The following TEX14 variants were observed in gnomAD, a reference collection of about 807,000 sequenced individuals.
TEX14 encodes testis expressed 14, intercellular bridge forming factor.
A neutral mutation model predicts 178.6 loss-of-function variants in TEX14; 168 were observed. The ratio of observed to expected loss-of-function variants is 0.94; its 90% confidence interval spans 0.83 to 1.07. The LOEUF (loss-of-function observed/expected upper bound fraction) is 1.07, where lower values mean the gene tolerates loss of function less well. TEX14 is among the 50% of genes least tolerant of loss of function. TEX14 has a pLI of 0.00. For synonymous variants in TEX14, 626 were observed against 634.1 expected, an observed-to-expected ratio of 0.99 and a Z score of 0.19; for missense variants, 1,730 against 1,753.6, an observed-to-expected ratio of 0.99 and a Z score of 0.24.
In TEX14 at chr17:58,573,263, T is replaced by C. The variant is rs1280079239; in HGVS notation, c.3429A>G (p.Pro1143=). 1.2e-6 allele frequency: 2 copies of C among 1,613,980 alleles called. No homozygotes were observed. The highest frequency in any genetic ancestry group is 1.1e-5 in the South Asian group (1 of 91,082). ...IQDLSSISYE[P]DSSFKEASCK... ...ATGAAGCTTCCTTAAAAGAGCTGTC[T>C]GGTTCATAGGAGATACTAGACAGGT... The change falls in exon 23 of 32, where the codon CCA becomes CCG. Residue 1143 remains proline, a synonymous_variant. Coordinates refer to ENST00000349033, the MANE Select transcript of TEX14 (RefSeq NM_031272.5).
At position 58,605,245 on chromosome 17, in the gene TEX14, G is replaced by C. The variant is rs1313599206; in HGVS notation, c.1185-116C>G. 4 of 1,268,014 alleles carry C rather than the reference G, an allele frequency of 3.2e-6. No homozygotes were observed. The East Asian group carries it at 1.0e-4, about 33-fold the overall frequency. 78.5% of individuals were successfully genotyped at this position (1,268,014 alleles called of 1,614,324 possible). A position where few individuals can be genotyped will look rare whatever the true frequency, so the allele number is the denominator to read the frequency against. The stretch of plus-strand genomic sequence containing the variant: ...CTTGCCCTGTCACCCAGGCTGGAAA[G>C]CAGCAGCGTGATCTCAGCTCACTGC... On this transcript the variant is annotated intron_variant, in intron 10 of 31. Coordinates refer to ENST00000349033, the MANE Select transcript of TEX14 (RefSeq NM_031272.5).
At chr17:58,623,080 G>C (rs2144552811) in intron 3 of TEX14, 68 bp from the exon 4 acceptor site, 1 of 1,458,244 alleles carries the variant, frequency 6.9e-7, no homozygotes, top group East Asian at 2.3e-5. Flanking sequence ...GCGGGGCTCA[G>C]CGTGCAACAC....
chr17:58,633,836 C>T (rs2046374792), intron 2 of TEX14, among the ~76,000 whole-genome samples: 1 of 151,902 alleles, frequency 6.6e-6, no homozygotes, highest in South Asian at 2.1e-4. Flanking sequence ...GGCATGGTGG[C>T]ACACGCCTGT....
rs571334539 is a variant in TEX14, at chr17:58,571,925, C to G, written c.3713G>C (p.Gly1238Ala). The G allele has an allele frequency of 1.9e-6, 3 of 1,613,676 alleles. No homozygotes were observed. Among genetic ancestry groups the G allele is most frequent in the Non-Finnish European group, 1.7e-6 (2 of 1,179,852 alleles). Residue 1238 changes from glycine (G) to alanine (A), a missense_variant, in exon 24 of 32, where the codon GGT (glycine) becomes GCT (alanine). By Grantham distance (60) the Gly-to-Ala change is moderately conservative (BLOSUM62 0). Coordinates refer to ENST00000349033, the MANE Select transcript of TEX14 (RefSeq NM_031272.5). Reference protein sequence around the residue: ...SSETPPSRLTGLKRLSSFIGA... With the variant: ...SSETPPSRLTALKRLSSFIGA... Reference sequence around the variant, plus strand: ...ACGTGGAATTGATATACTTACAAGACCAGTCAGTCTTGAAGGGGGAGTTTC... The same window carrying G: ...ACGTGGAATTGATATACTTACAAGAGCAGTCAGTCTTGAAGGGGGAGTTTC...
At chr17:58,588,142 G>A in intron 15 of TEX14, 121 bp from the exon 16 acceptor site, 1 of 619,764 alleles carries the variant, frequency 1.6e-6, no homozygotes, top group Non-Finnish European at 2.9e-6. Flanking sequence ...ACCCGCAGTT[G>A]AAGCGCAGTT....
In TEX14 at chr17:58,557,041, G is replaced by A. The variant is rs750547115; in HGVS notation, c.4326C>T (p.Ile1442=). 111 of 1,613,656 alleles carry A rather than the reference G, an allele frequency of 6.9e-5. No individual in the cohort carries two copies. The East Asian group carries it at 1.9e-3, about 28-fold the overall frequency. ...CTGACAAGTCACTCTGATCCAGCAC[G>A]ATTATCCTATGCACATGTTTTTTAA... ...RLGWSESSRI[I]VLDQSDLSD is the part of the protein sequence containing the mutation. The change falls in exon 32 of 32, where the codon ATC becomes ATT. Residue 1442 remains isoleucine, a synonymous_variant. Coordinates refer to ENST00000349033, the MANE Select transcript of TEX14 (RefSeq NM_031272.5).
intron 19 of TEX14, among the ~76,000 whole-genome samples, 171 bp from the exon 20 acceptor site, chr17:58,579,902 A>AT (rs1294505780): frequency 6.6e-6 from 1 of 152,194 alleles, no homozygotes; most frequent in African/African-American, 2.4e-5. Context: ...TATTTGTATC[A>AT]TATGTCCTCT....
intron 1 of TEX14, chr17:58,661,930 C>A: frequency 4.8e-6 from 1 of 207,884 alleles, no homozygotes; most frequent in Non-Finnish European, 9.4e-6. Context: ...ACCCCCAACC[C>A]AGGCTATTCT....
At position 58,604,831 on chromosome 17, in the gene TEX14, G is replaced by A. The variant is rs907215150; in HGVS notation, c.1336+147C>T. 3.4e-6 allele frequency: 3 copies of A among 892,852 alleles called. No homozygotes were observed. The African/African-American group carries it at 5.1e-5, about 15-fold the overall frequency. 55.3% of individuals were successfully genotyped at this position (892,852 alleles called of 1,614,324 possible). A position where few individuals can be genotyped will look rare whatever the true frequency, so the allele number is the denominator to read the frequency against. On this transcript the variant is annotated intron_variant, in intron 11 of 31. Coordinates refer to ENST00000349033, the MANE Select transcript of TEX14 (RefSeq NM_031272.5). Reference sequence around the variant, plus strand: ...CCGCCTCAGCCTCCCAAAGTGCTGGGATTACAGGCGTGAGCCACTGCTCCC... The same window carrying A: ...CCGCCTCAGCCTCCCAAAGTGCTGGAATTACAGGCGTGAGCCACTGCTCCC...
chr17:58,581,831 C>T, intron 19 of TEX14: 2 of 1,323,768 alleles, frequency 1.5e-6, no homozygotes, highest in South Asian at 1.3e-5. Flanking sequence ...CTAACACTAC[C>T]CAGCAGTCAG....
At chr17:58,649,635 T>C (rs1451602901) in intron 2 of TEX14, among the ~76,000 whole-genome samples, 1 of 152,174 alleles carries the variant, frequency 6.6e-6, no homozygotes, top group Admixed American at 6.5e-5. Flanking sequence ...CATAATACTC[T>C]GATGTTCACT....
At chr17:58,607,177 T>C (rs1180648640) in intron 10 of TEX14, among the ~76,000 whole-genome samples, 5 of 152,168 alleles carry the variant, frequency 3.3e-5, no homozygotes, top group Non-Finnish European at 5.9e-5. Flanking sequence ...AAGGCTACTT[T>C]GGGTTGGTGA....
Position 58,622,909 on chromosome 17 carries a change from C to G in TEX14, c.355G>C (p.Asp119His), listed in dbSNP as rs145427452. The G allele has an allele frequency of 6.2e-7, 1 of 1,613,428 alleles. No homozygotes were observed. The highest frequency in any genetic ancestry group is 8.5e-7 in the Non-Finnish European group (1 of 1,179,472). ...LDAGGDLRLH[D>H]ERGQNPKTWA... ...GTCTTCGGGTTTTGACCCCTCTCAT[C>G]GTGGAGTCGCAGGTCACCTCCTGCA... Residue 119 changes from aspartate to histidine, a missense_variant, in exon 4 of 32, where the codon GAT becomes CAT. Asp to His is a moderately conservative substitution (Grantham distance 81). Transcript: ENST00000349033.
chr17:58,637,971 C>T (rs191018745), intron 2 of TEX14, among the ~76,000 whole-genome samples: 77 of 151,344 alleles, frequency 5.1e-4, no homozygotes, highest in African/African-American at 1.7e-3. Context: ...AAGCAATTCT[C>T]CTGCCTCAGC....
intron 5 of TEX14, among the ~76,000 whole-genome samples, chr17:58,621,118 A>G (rs1027710518): frequency 6.6e-6 from 1 of 152,286 alleles, no homozygotes; most frequent in African/African-American, 2.4e-5. Context: ...CTCCCTTCCA[A>G]GCTTAACCCT....
intron 14 of TEX14, among the ~76,000 whole-genome samples, chr17:58,594,679 A>G (rs978784962): frequency 3.3e-5 from 5 of 152,076 alleles, no homozygotes; most frequent in Admixed American, 2.0e-4. Context: ...ACTTATCCAT[A>G]AAGTAAGACC....
intron 1 of TEX14, among the ~76,000 whole-genome samples, chr17:58,656,138 A>C (rs779266626): frequency 1.4e-4 from 21 of 152,132 alleles, no homozygotes; most frequent in Non-Finnish European, 3.1e-4. Flanking sequence ...CTGTCTCTAC[A>C]AAAAGTACGA....
In TEX14 at chr17:58,604,885, T is replaced by C. The variant is rs2045568061; in HGVS notation, c.1336+93A>G. On this transcript the variant is annotated intron_variant, in intron 11 of 31. Transcript: ENST00000349033. The stretch of plus-strand genomic sequence containing the variant: ...CAAGAAGTCTCTTTTTAATAAGTCT[T>C]CTATTTTCATAAAAGTCAGTAACTC... 2.1e-6 allele frequency: 3 copies of C among 1,408,734 alleles called. No individual in the cohort carries two copies. The East Asian group carries it at 6.9e-5, about 32-fold the overall frequency. 87.3% of individuals were successfully genotyped at this position (1,408,734 alleles called of 1,614,324 possible). A position where few individuals can be genotyped will look rare whatever the true frequency, so the allele number is the denominator to read the frequency against.
Position 58,569,483 on chromosome 17 carries a change from C to T in TEX14, c.3818-223G>A, listed in dbSNP as rs1024072013. ...CCCCAATCCCTTTCCTTTCCTACAT[C>T]AGCCCTTACCCTGGTACTGCTTGAT... On this transcript the variant is annotated intron_variant, in intron 25 of 31. Coordinates refer to ENST00000349033, the MANE Select transcript of TEX14 (RefSeq NM_031272.5). This position sits in a 1 kb window ranked among gnomAD's most constrained non-coding sequence, Gnocchi z 4.1. 3.9e-5 allele frequency among the ~76,000 whole-genome samples: 6 copies of T among 152,152 alleles called. No individual in the cohort carries two copies. Among genetic ancestry groups the T allele is most frequent in the African/African-American group, 1.4e-4 (6 of 41,432 alleles).
Sources: gnomAD v4.1 joint callset for allele counts (sites outside exome capture counted in the v4.1 genomes callset) on GRCh38, gnomAD v4.1.1 for gene constraint, Gnocchi (gnomAD v3.1) non-coding constraint, MANE v1.5 for transcripts, NCBI Gene and HGNC (gene_info 2026-07-23, HGNC 2026-07-21) for gene names.